NTM: variants seen among roughly 807,000 people sequenced by gnomAD.
NTM encodes IgLON family member 2.
NTM carries 13 observed loss-of-function variants against 42.1 expected under a neutral mutation model. The ratio of observed to expected loss-of-function variants is 0.31; its 90% confidence interval spans 0.20 to 0.49. The LOEUF is 0.49. Ranked by LOEUF, NTM falls within the 20% of genes least tolerant of loss-of-function variation. The pLI is 0.99. For synonymous variants in NTM, 187 were observed against 179.2 expected (o/e 1.04, Z -0.35); for missense variants, 373 against 452.8 (o/e 0.82, Z 1.60).
intron 2 of NTM, among the ~76,000 whole-genome samples, chr11:132,107,265 T>A (rs531702936): frequency 6.6e-6 from 1 of 152,038 alleles, no homozygotes; most frequent in Non-Finnish European, 1.5e-5. Flanking sequence ...TCTCAAGGAT[T>A]TGTAACATCT....
intron 1 of NTM, among the ~76,000 whole-genome samples, chr11:131,432,807 T>C (rs1948755239): frequency 6.7e-6 from 1 of 149,726 alleles, no homozygotes; most frequent in Non-Finnish European, 1.5e-5. Context: ...TTCTAGACAT[T>C]CATCTACTAC....
chr11:131,501,572 T>C (rs555575595), intron 1 of NTM, among the ~76,000 whole-genome samples: 11 of 152,272 alleles, frequency 7.2e-5, no homozygotes, highest in African/African-American at 2.4e-4. Context: ...ATCTGATTTA[T>C]ATGTTCAAAA....
At chr11:131,737,648 G>C (rs144803326) in intron 1 of NTM, among the ~76,000 whole-genome samples, 10 of 152,140 alleles carry the variant, frequency 6.6e-5, no homozygotes, top group African/African-American at 2.4e-4. Context: ...TCTCTGCTCC[G>C]TCTCCCTTCT....
chr11:132,138,579 T>TATCATCTATCTATCTATCTATC (rs199830815), intron 2 of NTM, among the ~76,000 whole-genome samples: 30 of 96,352 alleles, frequency 3.1e-4, no homozygotes, highest in African/African-American at 9.9e-4. Context: ...TCTATCTATC[T>TATCATCTATCTATCTATCTATC]ATCTATCTAT....
At chr11:131,745,040 A>G (rs2081639363) in intron 1 of NTM, among the ~76,000 whole-genome samples, 1 of 152,248 alleles carries the variant, frequency 6.6e-6, no homozygotes, top group African/African-American at 2.4e-5. Context: ...TGTGGTGTTT[A>G]TAAAGGGATG....
intron 4 of NTM, among the ~76,000 whole-genome samples, chr11:132,242,396 A>G (rs1390316721): frequency 6.6e-6 from 1 of 152,138 alleles, no homozygotes; most frequent in Non-Finnish European, 1.5e-5. Context: ...CATTTAGGGG[A>G]AAAAAGGGGG....
At chr11:131,674,234 C>A (rs12361778) in intron 1 of NTM, among the ~76,000 whole-genome samples, 2,482 of 152,344 alleles carry the variant, frequency 0.016, 31 homozygotes, top group Non-Finnish European at 0.025. Context: ...ACCGCCTACA[C>A]TGAAACTGGA....
At chr11:132,272,820 G>A (rs1014870849) in intron 4 of NTM, among the ~76,000 whole-genome samples, 3 of 151,972 alleles carry the variant, frequency 2.0e-5, no homozygotes, top group Admixed American at 6.6e-5. Context: ...TTTGTGAATA[G>A]ATTTACTTCC....
At chr11:131,873,276 C>T (rs1307904527) in intron 1 of NTM, among the ~76,000 whole-genome samples, 1 of 151,942 alleles carries the variant, frequency 6.6e-6, no homozygotes, top group East Asian at 1.9e-4. Flanking sequence ...AAACCAAACA[C>T]CGCATGTTCT....
In NTM at chr11:131,799,983, G is replaced by A. The variant is rs58480332; in HGVS notation, c.83-111581G>A. On this transcript the variant is annotated intron_variant, in intron 1 of 8. Transcript: ENST00000683400. ...TTTATTTGAAAATGGGGAAACAGTA[G>A]CCATCCCTAAAATTATTGGAGGATG... Among the ~76,000 whole-genome samples, 656 of 152,212 alleles carry A rather than the reference G, an allele frequency of 4.3e-3. 9 individuals are homozygous for A. The highest frequency in any genetic ancestry group is 0.015 in the African/African-American group (628 of 41,538).
chr11:131,794,773 G>A (rs1309284736), intron 1 of NTM: 1 of 985,256 alleles, frequency 1.0e-6, no homozygotes, highest in Non-Finnish European at 1.2e-6. Context: ...CACACACCAT[G>A]TGAAAAGCAT....
At chr11:131,645,418 T>C (rs937076174) in intron 1 of NTM, among the ~76,000 whole-genome samples, 1 of 152,142 alleles carries the variant, frequency 6.6e-6, no homozygotes, top group African/African-American at 2.4e-5. Context: ...GCAGACGTGC[T>C]GGGGAAAGGA....
At chr11:131,665,700 T>A (rs2068924936) in intron 1 of NTM, among the ~76,000 whole-genome samples, 2 of 152,202 alleles carry the variant, frequency 1.3e-5, no homozygotes, top group South Asian at 4.1e-4. Flanking sequence ...ATGGCAGCTC[T>A]AGCAAACTAA....
chr11:131,582,812 C>A (rs192561795), intron 1 of NTM, among the ~76,000 whole-genome samples: 1 of 152,148 alleles, frequency 6.6e-6, no homozygotes, highest in South Asian at 2.1e-4. Flanking sequence ...AAAACCCAGC[C>A]CCTTCTGAGA....
chr11:132,301,417 T>C (rs1049013337), intron 4 of NTM, among the ~76,000 whole-genome samples: 1 of 152,192 alleles, frequency 6.6e-6, no homozygotes, highest in Non-Finnish European at 1.5e-5. Context: ...AAGTCTTTCA[T>C]GAAAACAGCT....
intron 1 of NTM, among the ~76,000 whole-genome samples, chr11:131,428,918 G>A (rs1948422278): frequency 6.6e-6 from 1 of 151,196 alleles, no homozygotes; most frequent in African/African-American, 2.4e-5. Context: ...AGCCAGGCCT[G>A]GTGGTGGTTA....
chr11:131,687,662 G>A (rs753810589), intron 1 of NTM, among the ~76,000 whole-genome samples: 18 of 152,208 alleles, frequency 1.2e-4, no homozygotes, highest in Non-Finnish European at 2.4e-4. Flanking sequence ...ATGCTGCAAG[G>A]GACGCACCGA....
At chr11:131,970,103 C>T (rs1055074577) in intron 2 of NTM, among the ~76,000 whole-genome samples, 1 of 152,202 alleles carries the variant, frequency 6.6e-6, no homozygotes, top group Non-Finnish European at 1.5e-5. Context: ...AGCCACTGCA[C>T]CCAGCTAATA....
chr11:131,789,501 AAGAAGAAG>A lies in NTM; in HGVS notation c.83-122061_83-122054del, dbSNP rs2090127299. 4.9e-4 allele frequency among the ~76,000 whole-genome samples: 4 copies of A among 8,224 alleles called. 1 individual carries two copies. The highest frequency in any genetic ancestry group is 9.0e-4 in the Non-Finnish European group (4 of 4,424). 5.4% of individuals were successfully genotyped at this position (8,224 alleles called of 152,430 possible). ...AAGAAGAAGAAGAAGAGGAAAGAAGAAGAAGAAGAAGAAGAAGAAGAAGAAGAAGAAGA... is the reference window on the plus strand; with the variant it reads ...AAGAAGAAGAAGAAGAGGAAAGAAGAAAGAAGAAGAAGAAGAAGAAGAAGA... On this transcript the variant is annotated intron_variant, in intron 1 of 8. Coordinates refer to ENST00000683400, the MANE Select transcript of NTM (RefSeq NM_001352005.2).
Sources: allele counts gnomAD v4.1 joint callset (sites outside exome capture counted in the v4.1 genomes callset), GRCh38; gene constraint gnomAD v4.1.1; transcripts MANE v1.5; gene names NCBI Gene and HGNC (gene_info 2026-07-23, HGNC 2026-07-21).